The following WNK3 variants were observed in gnomAD, a reference collection of about 807,000 sequenced individuals.
WNK3 encodes the protein serine/threonine-protein kinase WNK3.
Under a neutral mutation model 116.7 loss-of-function variants are expected in WNK3, and 18 were observed. That is an observed-to-expected ratio of 0.15 (90% CI 0.11 to 0.23). The LOEUF (loss-of-function observed/expected upper bound fraction) is 0.23. WNK3 is among the 10% of genes least tolerant of loss of function. The pLI, the probability that WNK3 is intolerant of heterozygous loss-of-function variation, is 1.00. For synonymous variants in WNK3, 404 were observed against 469.4 expected (o/e 0.86, Z 1.80); for missense variants, 993 against 1,323.8 (o/e 0.75, Z 3.88).
At chrX:54,205,928 T>C (rs1227563921) in intron 22 of WNK3, among the ~76,000 whole-genome samples, 1 of 111,287 alleles carries the variant, frequency 9.0e-6, no homozygotes, top group East Asian at 2.8e-4. Context: ...AAAACCAGAG[T>C]TCAGTCCTTG....
rs1382201909 is a variant in WNK3, at chrX:54,266,762, A to T, written c.2038-7424T>A. Among the ~76,000 whole-genome samples, 3 of 110,505 alleles carry T rather than the reference A, an allele frequency of 2.7e-5. No individual in the cohort carries two copies. In the Admixed American group the frequency reaches 2.9e-4, roughly 11 times the overall value. On this transcript the variant is annotated intron_variant, in intron 10 of 23. Coordinates refer to ENST00000354646, the Ensembl canonical transcript of WNK3. Reference sequence around the variant, plus strand: ...TTATTTACTTTATGTTCTGGGATACATGTGCTGAACGTGCAGGTTTGTTAC... The same window carrying T: ...TTATTTACTTTATGTTCTGGGATACTTGTGCTGAACGTGCAGGTTTGTTAC...
exon 10 of WNK3, chrX:54,293,013 G>C (rs782291840): frequency 8.3e-7 from 1 of 1,210,365 alleles, no homozygotes; most frequent in African/African-American, 1.7e-5. Context: ...ATCTGCGGCT[G>C]AGTCAGCTTT....
At chrX:54,297,849 G>A (rs782623655) in intron 7 of WNK3, among the ~76,000 whole-genome samples, 13 of 110,926 alleles carry the variant, frequency 1.2e-4, no homozygotes, top group East Asian at 5.7e-4. Flanking sequence ...TGAGGTGGGC[G>A]GATCACAAGG....
chrX:54,232,473 C>A (rs1176761277), intron 21 of WNK3, among the ~76,000 whole-genome samples: 3 of 111,604 alleles, frequency 2.7e-5, no homozygotes, highest in Non-Finnish European at 5.6e-5. Context: ...TTGTTACCAA[C>A]AAACTCTCCA....
chrX:54,327,613 T>C (rs1189310811), intron 2 of WNK3, among the ~76,000 whole-genome samples: 1 of 111,308 alleles, frequency 9.0e-6, no homozygotes, highest in Non-Finnish European at 1.9e-5. Context: ...AGCTACTTGG[T>C]TGGCCAAGGC....
chrX:54,334,293 G>A (rs781885617), intron 1 of WNK3, among the ~76,000 whole-genome samples: 161 of 111,496 alleles, frequency 1.4e-3, no homozygotes, highest in Admixed American at 3.3e-3. Context: ...TCACAGTGTT[G>A]TGCAATCATC....
intron 1 of WNK3, among the ~76,000 whole-genome samples, chrX:54,344,299 C>T (rs1407155887): frequency 3.6e-5 from 4 of 110,272 alleles, no homozygotes; most frequent in Non-Finnish European, 5.7e-5. Context: ...AAAAATTAGC[C>T]GGGCGTCGTG....
chrX:54,261,285 A>C (rs1241157241), intron 10 of WNK3, among the ~76,000 whole-genome samples: 1 of 110,308 alleles, frequency 9.1e-6, no homozygotes, highest in Admixed American at 9.7e-5. Flanking sequence ...GAAAAAGACA[A>C]GACAAGACAG....
At chrX:54,280,081 G>A (rs1319190273) in intron 10 of WNK3, among the ~76,000 whole-genome samples, 1 of 112,119 alleles carries the variant, frequency 8.9e-6, no homozygotes, top group African/African-American at 3.2e-5. Context: ...GGTGGATCAG[G>A]AGGTCAGGAG....
intron 1 of WNK3, among the ~76,000 whole-genome samples, chrX:54,337,052 T>A (rs1352609699): frequency 9.1e-6 from 1 of 110,171 alleles, no homozygotes; most frequent in African/African-American, 3.4e-5. Context: ...AATTTTTGAC[T>A]TGGGAAAAAA....
At chrX:54,332,702 C>T (rs2069183479) in intron 2 of WNK3, among the ~76,000 whole-genome samples, 1 of 109,642 alleles carries the variant, frequency 9.1e-6, no homozygotes, top group South Asian at 4.0e-4. Flanking sequence ...GCCTGCTCAA[C>T]ATGGTGAAAC....
chrX:54,256,921 A>G (rs1297667569), intron 11 of WNK3, among the ~76,000 whole-genome samples: 2 of 112,292 alleles, frequency 1.8e-5, no homozygotes, highest in Admixed American at 1.9e-4. Flanking sequence ...GTTACTTAAC[A>G]CATCAGTTTA....
chrX:54,224,812 G>A (rs1557147445), intron 22 of WNK3, among the ~76,000 whole-genome samples: 2 of 110,441 alleles, frequency 1.8e-5, no homozygotes, highest in Admixed American at 9.7e-5. Flanking sequence ...CTTGTGATCC[G>A]CCCACCTCGG....
chrX:54,249,781 T>C, intron 16 of WNK3, 147 bp from the exon 17 acceptor site: 1 of 737,892 alleles, frequency 1.4e-6, no homozygotes, highest in South Asian at 3.0e-5. Flanking sequence ...AAACACAGAA[T>C]TCAACCTGTC....
At chrX:54,224,601 G>A (rs1203145957) in intron 22 of WNK3, among the ~76,000 whole-genome samples, 4 of 103,399 alleles carry the variant, frequency 3.9e-5, no homozygotes, top group Admixed American at 2.0e-4. Context: ...ATGGAGTCTC[G>A]CTCTGTCGCC....
At chrX:54,285,065 A>G (rs1386056015) in intron 10 of WNK3, among the ~76,000 whole-genome samples, 1 of 111,592 alleles carries the variant, frequency 9.0e-6, no homozygotes, top group Non-Finnish European at 1.9e-5. Context: ...AATATATATT[A>G]TATTGTTCCA....
At chrX:54,266,400 T>C (rs2068310961) in intron 10 of WNK3, among the ~76,000 whole-genome samples, 1 of 111,476 alleles carries the variant, frequency 9.0e-6, no homozygotes. Flanking sequence ...ACAAGTCAAC[T>C]ATAGTTGATA....
chrX:54,219,848 A>G lies in WNK3; in HGVS notation c.4870+8866T>C, dbSNP rs782321800. The stretch of plus-strand genomic sequence containing the variant: ...CTATAGGTGAATTTTAATCTATAGG[A>G]AAAGAAGTGTGTCTTGTGAAAAGTA... On this transcript the variant is annotated intron_variant, in intron 22 of 23. Transcript: ENST00000354646. Among the ~76,000 whole-genome samples, 312 of 111,129 alleles carry G rather than the reference A, an allele frequency of 2.8e-3. 4 individuals are homozygous for G. The highest frequency in any genetic ancestry group is 9.3e-3 in the African/African-American group (284 of 30,666).
intron 23 of WNK3, among the ~76,000 whole-genome samples, chrX:54,199,115 T>C (rs782415980): frequency 9.0e-6 from 1 of 110,926 alleles, no homozygotes; most frequent in Admixed American, 9.6e-5. Flanking sequence ...CATTTTCTCC[T>C]GGATATTTCA....
Sources: allele counts gnomAD v4.1 joint callset (sites outside exome capture counted in the v4.1 genomes callset), GRCh38; gene constraint gnomAD v4.1.1; transcripts MANE v1.5; gene names NCBI Gene and HGNC (gene_info 2026-07-23, HGNC 2026-07-21).